The following NDUFS1 variants were observed in gnomAD, a reference collection of about 807,000 sequenced individuals.
NDUFS1 encodes the protein NADH-ubiquinone oxidoreductase 75 kDa subunit, mitochondrial.
NDUFS1 carries 61 observed loss-of-function variants against 84.4 expected under a neutral mutation model. The ratio of observed to expected loss-of-function variants is 0.72; its 90% CI spans 0.59 to 0.89. The LOEUF is 0.89. NDUFS1 is among the 40% of genes least tolerant of loss of function. The probability of loss-of-function intolerance (pLI) is 0.00; values close to 1 mark genes in which losing one functional copy is unlikely to be tolerated. For missense variants in NDUFS1, 891 were observed against 890.0 expected (o/e 1.00, Z -0.01); for synonymous variants, 275 against 290.0 (o/e 0.95, Z 0.53).
intron 3 of NDUFS1, 54 bp downstream of exon 3, chr2:206,152,365 G>A (rs1171053187): frequency 7.6e-7 from 1 of 1,319,514 alleles, no homozygotes; most frequent in Admixed American, 1.7e-5. Context: ...AAATAAATTA[G>A]TATTTTTAAA....
At chr2:206,142,950 G>A in intron 10 of NDUFS1, 119 bp from the exon 11 acceptor site, 2 of 1,404,084 alleles carry the variant, frequency 1.4e-6, no homozygotes, top group Non-Finnish European at 2.0e-6. Flanking sequence ...ACAGACTTCT[G>A]ATTAAAAGTT....
At chr2:206,145,704 G>A (rs1473633783) in intron 8 of NDUFS1, among the ~76,000 whole-genome samples, 4 of 152,184 alleles carry the variant, frequency 2.6e-5, no homozygotes, top group African/African-American at 9.7e-5. Flanking sequence ...AAAAACTGGT[G>A]GCTGGGCTCA....
chr2:206,147,862 G>T, intron 5 of NDUFS1, 28 bp from the exon 6 acceptor site: 1 of 1,577,888 alleles, frequency 6.3e-7, no homozygotes, highest in South Asian at 1.1e-5. Context: ...CATATAAAAT[G>T]ACTCTCAAAT....
In NDUFS1 at chr2:206,153,633, A is replaced by T. The variant is rs751226627; in HGVS notation, c.46T>A (p.Ser16Thr). ...VRKALVGLSK[S>T]PKGCVRTTAT... is the part of the protein sequence containing the mutation. ...AAATACTCACCACATCCTTTAGGAG[A>T]CTTAGAAAGGCCTACTAAGGCCTTT... is the stretch of plus-strand genomic sequence containing the variant. Residue 16 changes from serine to threonine, a missense_variant, in exon 2 of 19, where the codon TCT becomes ACT. Physicochemically the swap from Ser to Thr is moderately conservative, Grantham distance 58 (BLOSUM62 1). Transcript: ENST00000233190. The T allele has an allele frequency of 6.5e-7, 1 of 1,547,560 alleles. No individual in the cohort carries two copies. Among genetic ancestry groups the T allele is most frequent in the South Asian group, 1.1e-5 (1 of 89,530 alleles).
chr2:206,152,523 G>C lies in NDUFS1; in HGVS notation c.62-13C>G. On this transcript the variant is annotated splice_polypyrimidine_tract_variant and intron_variant, in intron 2 of 18. Coordinates refer to ENST00000233190, the MANE Select transcript of NDUFS1 (RefSeq NM_005006.7). ...GCAGTTGTTCGAACTGACCATCAAA[G>C]ATATTGAAGCGAAAAACAGATTAAC... The C allele has an allele frequency of 6.2e-7, 1 of 1,610,764 alleles. No homozygotes were observed. The highest frequency in any genetic ancestry group is 8.5e-7 in the Non-Finnish European group (1 of 1,177,012).
intron 12 of NDUFS1, among the ~76,000 whole-genome samples, chr2:206,140,560 A>T (rs1380359452): frequency 1.3e-5 from 2 of 152,068 alleles, no homozygotes; most frequent in Admixed American, 1.3e-4. Flanking sequence ...GGCTCACCAC[A>T]ACCTTCGCTT....
rs1485032272 is a variant in NDUFS1, at chr2:206,144,919, T to A, written c.845A>T (p.Asn282Ile). Reference protein sequence around the residue: ...RILPRMHEDINEEWISDKTRF... With the variant: ...RILPRMHEDIIEEWISDKTRF... ...GGTTTTATCAGAGATCCACTCTTCA[T>A]TGATGTCCTCATGCATACGTGGCAA... The change falls in exon 9 of 19, where the codon AAT (asparagine) becomes ATT (isoleucine). Residue 282 changes from asparagine to isoleucine, a missense_variant. Transcript: ENST00000233190. 1 of 1,614,106 alleles carries A rather than the reference T, an allele frequency of 6.2e-7. No individual in the cohort carries two copies. The highest frequency in any genetic ancestry group is 1.1e-5 in the South Asian group (1 of 91,084).
chr2:206,137,740 TAAAG>T (rs1466316190), intron 13 of NDUFS1, among the ~76,000 whole-genome samples: 2 of 151,806 alleles, frequency 1.3e-5, no homozygotes, highest in African/African-American at 4.8e-5. Context: ...CAAAATGAAT[TAAAG>T]AAAGAACTCA....
rs1690979912 is a variant in NDUFS1, at chr2:206,117,443, T to G, written c.*6742A>C. 6.6e-6 allele frequency: 1 copy of G among 152,228 alleles called. No homozygotes were observed. The highest frequency in any genetic ancestry group is 2.4e-5 in the African/African-American group (1 of 41,462). The allele number at this position is 152,228 out of a possible 1,614,324, so 9.4% of individuals were successfully genotyped here. ...TAGATACTCTGCAAAAAAATTTTGT[T>G]TTTCTTTTTGAGATGGGGTCTCGCT... On this transcript the variant is annotated 3_prime_UTR_variant, in exon 19 of 19. Transcript: ENST00000233190.
chr2:206,157,591 C>G (rs1687709607), intron 1 of NDUFS1, among the ~76,000 whole-genome samples: 1 of 152,180 alleles, frequency 6.6e-6, no homozygotes, highest in Non-Finnish European at 1.5e-5. Flanking sequence ...GTATTTCATA[C>G]AATTTTAAAA....
chr2:206,144,304 T>C (rs902420877), intron 9 of NDUFS1, among the ~76,000 whole-genome samples, 172 bp from the exon 10 acceptor site: 5 of 152,232 alleles, frequency 3.3e-5, no homozygotes, highest in African/African-American at 1.2e-4. Context: ...AACTAATAGA[T>C]TTTATGAACT....
At chr2:206,125,855 T>C (rs1691273848) in intron 18 of NDUFS1, among the ~76,000 whole-genome samples, 1 of 152,156 alleles carries the variant, frequency 6.6e-6, no homozygotes, top group East Asian at 1.9e-4. Flanking sequence ...TTTCCTTCTT[T>C]GTGTTCATAA....
rs552664197 is a variant in NDUFS1 at position 206,125,655 on chromosome 2, TA to T, written c.2092+883del. On this transcript the variant is annotated intron_variant, in intron 18 of 18. Transcript: ENST00000233190. Reference sequence around the variant, plus strand: ...GGGAGGGTAGTGATTTTTCTTTTTTTAAAAAAAAAAAAACTTTTAGGTTCAG... The same window carrying T: ...GGGAGGGTAGTGATTTTTCTTTTTTTAAAAAAAAAAAACTTTTAGGTTCAG... Among the ~76,000 whole-genome samples the T allele has an allele frequency of 2.7e-4, 40 of 149,086 alleles. No homozygotes were observed. In the South Asian group the frequency reaches 4.7e-3, roughly 17 times the overall value.
chr2:206,133,911 C>T (rs562545900), intron 13 of NDUFS1, among the ~76,000 whole-genome samples: 10 of 152,120 alleles, frequency 6.6e-5, no homozygotes, highest in South Asian at 4.1e-4. Context: ...ACCTGGGAGG[C>T]GGAGGTTGCA....
chr2:206,148,128 T>C (rs893024102), intron 5 of NDUFS1, among the ~76,000 whole-genome samples: 3 of 152,166 alleles, frequency 2.0e-5, no homozygotes, highest in Non-Finnish European at 4.4e-5. Context: ...TTTCATCATG[T>C]TGGTCAGGCT....
chr2:206,151,874 C>CT (rs201786995), intron 3 of NDUFS1, among the ~76,000 whole-genome samples: 177 of 151,478 alleles, frequency 1.2e-3, no homozygotes, highest in East Asian at 0.011. Context: ...AATTTCTTTT[C>CT]TTTTTTTTTG....
At chr2:206,124,326 G>GCA (rs752299638) in intron 18 of NDUFS1, 50 bp from the exon 19 acceptor site, 7 of 1,406,376 alleles carry the variant, frequency 5.0e-6, no homozygotes, top group Non-Finnish European at 7.1e-6. Context: ...TTTTTAAAAA[G>GCA]CACATACTAA....
rs570056614 is a variant in NDUFS1 at position 206,125,095 on chromosome 2, C to A, written c.2093-819G>T. Among the ~76,000 whole-genome samples, 10 of 151,652 alleles carry A rather than the reference C, an allele frequency of 6.6e-5. No homozygotes were observed. The South Asian group carries it at 2.1e-3, about 32-fold the overall frequency. On this transcript the variant is annotated intron_variant, in intron 18 of 18. Coordinates refer to ENST00000233190, the MANE Select transcript of NDUFS1 (RefSeq NM_005006.7). ...TCCTGGATTCAAGCCATCTGCCCCCCTCAGCCTCCCAAAATGCTGGAATTA... is the reference window on the plus strand; with the variant it reads ...TCCTGGATTCAAGCCATCTGCCCCCATCAGCCTCCCAAAATGCTGGAATTA...
At chr2:206,130,855 A>G (rs1691485095) in intron 14 of NDUFS1, among the ~76,000 whole-genome samples, 1 of 152,234 alleles carries the variant, frequency 6.6e-6, no homozygotes, top group South Asian at 2.1e-4. Context: ...CAATAAAGTA[A>G]GACATAAAAC....
Sources: gnomAD v4.1 joint callset for allele counts (sites outside exome capture counted in the v4.1 genomes callset) on GRCh38, gnomAD v4.1.1 for gene constraint, MANE v1.5 for transcripts, NCBI Gene and HGNC (gene_info 2026-07-23, HGNC 2026-07-21) for gene names.